YJU2: variants seen among roughly 807,000 people sequenced by gnomAD.
YJU2 encodes YJU2 splicing factor homolog, also known as splicing factor YJU2.
A neutral mutation model predicts 39.6 loss-of-function variants in YJU2; 28 were observed. That is an observed-to-expected ratio of 0.71 (90% CI 0.52 to 0.97). YJU2 has a LOEUF of 0.97. Among genes scored for constraint, YJU2 ranks in the 50% least tolerant of loss-of-function variants. YJU2 has a pLI of 0.00. For missense variants in YJU2, 328 were observed against 430.4 expected (o/e 0.76, Z 2.11); for synonymous variants, 184 against 182.4 (o/e 1.01, Z -0.07).
rs189775258 is a variant in YJU2, at chr19:4,253,589, T to A, written c.271-766T>A. Among the ~76,000 whole-genome samples, 814 of 152,130 alleles carry A rather than the reference T, an allele frequency of 5.4e-3. 11 individuals carry two copies. The highest frequency in any genetic ancestry group is 0.019 in the African/African-American group (772 of 41,524). On this transcript the variant is annotated intron_variant, in intron 3 of 7. Coordinates refer to ENST00000262962, the MANE Select transcript of YJU2 (RefSeq NM_018074.6). ...GCACGAGACCCTGTCCCCAAAAAAA[T>A]AAAAAACATAGTGTTACTATTAGCA...
intron 1 of YJU2, among the ~76,000 whole-genome samples, chr19:4,248,548 C>A (rs1197760283): frequency 2.6e-5 from 4 of 152,174 alleles, no homozygotes; most frequent in Non-Finnish European, 5.9e-5. Context: ...TTACCCTCTA[C>A]AGAATTGCTG....
chr19:4,257,989 C>T (rs977101879), intron 4 of YJU2, among the ~76,000 whole-genome samples: 2 of 152,240 alleles, frequency 1.3e-5, no homozygotes, highest in East Asian at 3.9e-4. Context: ...CTTTCCACCC[C>T]ACCCTGCCCC....
chr19:4,249,574 G>A (rs1022666320), intron 2 of YJU2, among the ~76,000 whole-genome samples: 6 of 152,038 alleles, frequency 3.9e-5, no homozygotes, highest in African/African-American at 1.4e-4. Flanking sequence ...TGTGCAGAGA[G>A]GATAGGACGC....
chr19:4,250,077 G>A (rs1026783332), intron 2 of YJU2, among the ~76,000 whole-genome samples: 3 of 151,992 alleles, frequency 2.0e-5, no homozygotes, highest in Admixed American at 6.6e-5. Flanking sequence ...TCACCCCTCC[G>A]GGAGGCCTCC....
intron 3 of YJU2, among the ~76,000 whole-genome samples, chr19:4,251,848 G>A (rs569229898): frequency 1.3e-5 from 2 of 151,890 alleles, no homozygotes; most frequent in South Asian, 2.1e-4. Context: ...TGAGCCAGGC[G>A]TGGTGGCTCA....
At chr19:4,258,689 A>G (rs920063458) in intron 5 of YJU2, among the ~76,000 whole-genome samples, 4 of 152,180 alleles carry the variant, frequency 2.6e-5, no homozygotes, top group Non-Finnish European at 4.4e-5. Flanking sequence ...GGGGAAAGGC[A>G]TGTGTGGTGT....
At chr19:4,247,243 C>A in intron 1 of YJU2, 73 bp downstream of exon 1, 1 of 1,358,372 alleles carries the variant, frequency 7.4e-7, no homozygotes, top group Non-Finnish European at 1.0e-6. Context: ...GAGGAGCTTC[C>A]TGAGATCTCT....
intron 4 of YJU2, among the ~76,000 whole-genome samples, chr19:4,255,148 C>T (rs751056417): frequency 9.3e-5 from 14 of 150,734 alleles, no homozygotes; most frequent in East Asian, 2.0e-4. Context: ...TGCATGAACC[C>T]GGGAGGCAGA....
chr19:4,255,702 TG>T (rs1258747447), intron 4 of YJU2, among the ~76,000 whole-genome samples: 2 of 136,678 alleles, frequency 1.5e-5, no homozygotes, highest in African/African-American at 5.6e-5. Flanking sequence ...CACTCCAGCC[TG>T]GGTGACAGAG....
chr19:4,258,383 C>T lies in YJU2; in HGVS notation c.547C>T (p.Arg183Trp), dbSNP rs780547484. The change falls in exon 5 of 8, where the codon CGG becomes TGG. Residue 183 changes from arginine (R) to tryptophan (W), a missense_variant. Arg to Trp is a moderately radical substitution (Grantham distance 101). Around this residue, in one of 2 missense-constraint regions of YJU2, gnomAD observed 244 missense variants for 264.6 expected, o/e 0.92. Transcript: ENST00000262962. ...GCAGCACCGCCTGTCGGAGGAGGAG[C>T]GGCGGAGGCAGCAGCAGGAGGAGGA... ...LRQHRLSEEERRRQQQEEDEQ... is the reference protein window; with the variant it reads ...LRQHRLSEEEWRRQQQEEDEQ... 7.5e-6 allele frequency: 12 copies of T among 1,597,200 alleles called. No individual in the cohort carries two copies. The highest frequency in any genetic ancestry group is 1.8e-5 in the Admixed American group (1 of 57,004).
chr19:4,250,608 G>T (rs1291078977), intron 2 of YJU2, among the ~76,000 whole-genome samples: 1 of 152,084 alleles, frequency 6.6e-6, no homozygotes, highest in Admixed American at 6.6e-5. Context: ...TGAGCTGGGG[G>T]TGTTTGCAGG....
chr19:4,264,555 T>C (rs1274348855), intron 6 of YJU2, among the ~76,000 whole-genome samples: 1 of 151,644 alleles, frequency 6.6e-6, no homozygotes, highest in East Asian at 1.9e-4. Flanking sequence ...GGTGTGATCT[T>C]GGCTCACTGC....
Position 4,258,409 on chromosome 19 carries a change from C to G in YJU2, c.573C>G (p.Asp191Glu), listed in dbSNP as rs139277149. 6.3e-6 allele frequency: 10 copies of G among 1,590,898 alleles called. No individual in the cohort carries two copies. Among genetic ancestry groups the G allele is most frequent in the South Asian group, 4.6e-5 (4 of 87,222 alleles). Reference sequence around the variant, plus strand: ...GGCGGAGGCAGCAGCAGGAGGAGGACGAGCAGGAGACCGCGTGAGTCAGGG... The same window carrying G: ...GGCGGAGGCAGCAGCAGGAGGAGGAGGAGCAGGAGACCGCGTGAGTCAGGG... ...EERRRQQQEE[D>E]EQETAALLEE... The change falls in exon 5 of 8, where the codon GAC becomes GAG. Residue 191 changes from aspartate (D) to glutamate (E), a missense_variant. Transcript: ENST00000262962.
At chr19:4,249,090 C>T (rs1970954348) in intron 1 of YJU2, 138 bp from the exon 2 acceptor site, 1 of 614,734 alleles carries the variant, frequency 1.6e-6, no homozygotes, top group South Asian at 1.9e-5. Flanking sequence ...CTGAGTCCTG[C>T]GAGTCCTCCC....
chr19:4,264,458 C>G (rs979293665), intron 6 of YJU2, among the ~76,000 whole-genome samples: 1 of 150,258 alleles, frequency 6.7e-6, no homozygotes, highest in African/African-American at 2.4e-5. Context: ...CAGGCACGCA[C>G]CACCACGCCT....
intron 4 of YJU2, among the ~76,000 whole-genome samples, chr19:4,254,980 G>A (rs924548003): frequency 1.2e-4 from 18 of 150,680 alleles, no homozygotes; most frequent in Admixed American, 8.6e-4. Context: ...CGCTTGAACC[G>A]GGGAGGCAGA....
At chr19:4,266,786 G>A (rs1026894444) in intron 6 of YJU2, among the ~76,000 whole-genome samples, 3 of 152,074 alleles carry the variant, frequency 2.0e-5, no homozygotes, top group Non-Finnish European at 4.4e-5. Flanking sequence ...TTTGAGACCA[G>A]CCTGGGCAAC....
At chr19:4,253,826 ATTT>A (rs34331780) in intron 3 of YJU2, among the ~76,000 whole-genome samples, 1 of 147,618 alleles carries the variant, frequency 6.8e-6, no homozygotes, top group Non-Finnish European at 1.5e-5. Flanking sequence ...AACCTTGGAG[ATTT>A]TTTTTTTTTT....
At chr19:4,265,032 CTTCTT>C (rs1971105171) in intron 6 of YJU2, among the ~76,000 whole-genome samples, 2 of 152,044 alleles carry the variant, frequency 1.3e-5, no homozygotes, top group African/African-American at 2.4e-5. Flanking sequence ...AACTTCCTCT[CTTCTT>C]TTCTTTTTTT....
Sources: gnomAD v4.1 joint callset for allele counts (sites outside exome capture counted in the v4.1 genomes callset) on GRCh38, gnomAD v4.1.1 for gene constraint, gnomAD v4.1.1 regional missense constraint, MANE v1.5 for transcripts, NCBI Gene and HGNC (gene_info 2026-07-23, HGNC 2026-07-21) for gene names.